CCSER1: variants seen among roughly 807,000 people sequenced by gnomAD.
CCSER1 encodes coiled-coil serine rich protein 1.
In CCSER1, 41 loss-of-function variants were observed where a neutral mutation model predicts 82.0. That is an observed-to-expected ratio of 0.50 (90% CI 0.39 to 0.65). The LOEUF (loss-of-function observed/expected upper bound fraction) is 0.65. CCSER1 is among the 30% of genes least tolerant of loss of function. The pLI, the probability that CCSER1 is intolerant of heterozygous loss-of-function variation, is 0.00. For synonymous variants in CCSER1, 414 were observed against 383.9 expected, an observed-to-expected ratio of 1.08 and a Z score of -0.92; for missense variants, 1,119 against 1,064.2, an observed-to-expected ratio of 1.05 and a Z score of -0.72.
At chr4:91,572,421 A>G (rs1578823284) in intron 10 of CCSER1, among the ~76,000 whole-genome samples, 1 of 152,038 alleles carries the variant, frequency 6.6e-6, no homozygotes, top group Non-Finnish European at 1.5e-5. Context: ...ACCCACTTAA[A>G]AAATCAGTCT....
intron 4 of CCSER1, among the ~76,000 whole-genome samples, chr4:90,416,303 A>T (rs1161314821): frequency 6.6e-6 from 1 of 152,180 alleles, no homozygotes; most frequent in Non-Finnish European, 1.5e-5. Flanking sequence ...AACCCTCTCA[A>T]CTTAATCCTC....
chr4:90,284,781 C>G (rs1273037619), intron 1 of CCSER1, among the ~76,000 whole-genome samples: 1 of 152,076 alleles, frequency 6.6e-6, no homozygotes, highest in Non-Finnish European at 1.5e-5. Context: ...GCATGAGCCA[C>G]TGTGCCTGGC....
intron 1 of CCSER1, among the ~76,000 whole-genome samples, chr4:90,284,997 T>C (rs1471587322): frequency 2.0e-5 from 3 of 152,026 alleles, no homozygotes; most frequent in Admixed American, 2.0e-4. Flanking sequence ...TTGGTCTACA[T>C]GTTTGTTTTT....
chr4:90,416,229 A>G (rs978624585), intron 4 of CCSER1, among the ~76,000 whole-genome samples: 2 of 152,168 alleles, frequency 1.3e-5, no homozygotes, highest in Non-Finnish European at 2.9e-5. Context: ...AAAATTCATA[A>G]AGTTAAAAAT....
chr4:90,338,360 C>T (rs571375705), intron 3 of CCSER1, among the ~76,000 whole-genome samples: 2 of 152,162 alleles, frequency 1.3e-5, no homozygotes, highest in South Asian at 2.1e-4. Context: ...TTTTCTTTTC[C>T]TTCTGCTTTT....
At position 91,153,786 on chromosome 4, in the gene CCSER1, G is replaced by C. The variant is rs140537699; in HGVS notation, c.2217+67792G>C. ...TTGCTGGAGGTCCACTCCAGACCCT[G>C]TTTGCCTGGGTATCACCAGCGGAGG... On this transcript the variant is annotated intron_variant, in intron 10 of 10. Coordinates refer to ENST00000509176, the MANE Select transcript of CCSER1 (RefSeq NM_001145065.2). 5.3e-3 allele frequency among the ~76,000 whole-genome samples: 802 copies of C among 152,082 alleles called. 9 individuals carry two copies. Among genetic ancestry groups the C allele is most frequent in the African/African-American group, 0.018 (761 of 41,538 alleles).
At chr4:90,490,578 A>T (rs1043173072) in intron 5 of CCSER1, among the ~76,000 whole-genome samples, 14 of 151,936 alleles carry the variant, frequency 9.2e-5, no homozygotes, top group African/African-American at 1.7e-4. Context: ...TTTGGTGTTT[A>T]TACATGAAGT....
chr4:90,784,539 T>C (rs540272354), intron 7 of CCSER1, among the ~76,000 whole-genome samples: 1 of 152,182 alleles, frequency 6.6e-6, no homozygotes, highest in Admixed American at 6.5e-5. Context: ...GAGGGGACTA[T>C]AAATCTTTGA....
At chr4:90,920,047 A>G (rs190535299) in intron 8 of CCSER1, among the ~76,000 whole-genome samples, 7 of 151,978 alleles carry the variant, frequency 4.6e-5, no homozygotes, top group Admixed American at 1.3e-4. Flanking sequence ...ATTCTTCACT[A>G]TCCTTCTGAG....
intron 9 of CCSER1, among the ~76,000 whole-genome samples, chr4:91,030,190 T>G (rs1740850428): frequency 6.6e-6 from 1 of 152,088 alleles, no homozygotes; most frequent in Admixed American, 6.6e-5. Flanking sequence ...TGAAATTTTT[T>G]TTTAAAAAGC....
At chr4:91,586,885 A>T (rs73836250) in intron 10 of CCSER1, among the ~76,000 whole-genome samples, 16,568 of 151,762 alleles carry the variant, frequency 0.11, 928 homozygotes, top group Middle Eastern at 0.18. Context: ...GTAATATTGC[A>T]TACTTAGTTT....
intron 1 of CCSER1, among the ~76,000 whole-genome samples, chr4:90,221,647 ATATT>A (rs1178902189): frequency 1.4e-4 from 21 of 152,180 alleles, no homozygotes; most frequent in African/African-American, 5.1e-4. Context: ...TTAAAAATAT[ATATT>A]TATTCTTTCA....
At chr4:90,664,982 G>A (rs1560909646) in intron 6 of CCSER1, among the ~76,000 whole-genome samples, 4 of 152,116 alleles carry the variant, frequency 2.6e-5, no homozygotes, top group Admixed American at 2.6e-4. Context: ...TTAGTTCTGT[G>A]GAAAAGTAGA....
intron 8 of CCSER1, among the ~76,000 whole-genome samples, chr4:90,921,514 A>T (rs561987830): frequency 6.6e-6 from 1 of 151,934 alleles, no homozygotes; most frequent in African/African-American, 2.4e-5. Context: ...TAAAGTTTTT[A>T]TTTGTTTGTT....
In CCSER1 at chr4:90,445,785, ATTACAG is replaced by A. The variant is rs1188591791; in HGVS notation, c.1604-22443_1604-22438del. On this transcript the variant is annotated intron_variant, in intron 4 of 10. Transcript: ENST00000509176. ...GACATTCCTGTGGTAATATTGGGTT[ATTACAG>A]TTACATTTGTCATATTTGATTGAAT... Among the ~76,000 whole-genome samples, 3 of 152,110 alleles carry A rather than the reference ATTACAG, an allele frequency of 2.0e-5. No individual in the cohort carries two copies. In the East Asian group the frequency reaches 5.8e-4, roughly 29 times the overall value.
intron 10 of CCSER1, among the ~76,000 whole-genome samples, chr4:91,159,246 T>C (rs1731134208): frequency 6.6e-6 from 1 of 151,982 alleles, no homozygotes; most frequent in Admixed American, 6.5e-5. Context: ...CTCTTATAAC[T>C]CCGTCTGTCA....
rs367766758 is a variant in CCSER1 at position 90,348,069 on chromosome 4, G to A, written c.1509+35022G>A. ...TTATAAATGGGAGCTAAATGATGAG[G>A]ACATATGGACACATGGAGGGGAACA... On this transcript the variant is annotated intron_variant, in intron 3 of 10. Transcript: ENST00000509176. Among the ~76,000 whole-genome samples, 43 of 152,204 alleles carry A rather than the reference G, an allele frequency of 2.8e-4. 1 individual carries two copies. The highest frequency in any genetic ancestry group is 1.0e-3 in the African/African-American group (43 of 41,536).
At chr4:91,359,148 G>T (rs990542543) in intron 10 of CCSER1, among the ~76,000 whole-genome samples, 2 of 149,716 alleles carry the variant, frequency 1.3e-5, no homozygotes, top group Non-Finnish European at 3.0e-5. Context: ...TGAGCAAGCA[G>T]GTGGTATGTG....
intron 8 of CCSER1, among the ~76,000 whole-genome samples, chr4:90,855,050 C>T (rs1580791505): frequency 6.6e-6 from 1 of 152,020 alleles, no homozygotes; most frequent in South Asian, 2.1e-4. Flanking sequence ...ATAACCAGAT[C>T]TCGTGAGAAC....
Sources: allele counts gnomAD v4.1 joint callset (sites outside exome capture counted in the v4.1 genomes callset), GRCh38; gene constraint gnomAD v4.1.1; transcripts MANE v1.5; gene names NCBI Gene and HGNC (gene_info 2026-07-23, HGNC 2026-07-21).